LHPP: variants seen among roughly 807,000 people sequenced by gnomAD.
LHPP encodes the protein phospholysine phosphohistidine inorganic pyrophosphate phosphatase.
Under a neutral mutation model 30.3 loss-of-function variants are expected in LHPP, and 24 were observed. That is an observed-to-expected ratio of 0.79 (90% CI 0.57 to 1.11). LHPP has a LOEUF of 1.11. Among genes scored for constraint, LHPP ranks in the 50% most tolerant of loss-of-function variants. The pLI is 0.00. For synonymous variants in LHPP, 150 were observed against 157.1 expected, an observed-to-expected ratio of 0.95 and a Z score of 0.34; for missense variants, 356 against 367.2, an observed-to-expected ratio of 0.97 and a Z score of 0.25.
At chr10:124,578,222 G>C (rs1948693769) in intron 6 of LHPP, among the ~76,000 whole-genome samples, 1 of 152,202 alleles carries the variant, frequency 6.6e-6, no homozygotes, top group South Asian at 2.1e-4. Flanking sequence ...CTGCTTCCCA[G>C]GGCATTTGCA....
At chr10:124,492,151 CAG>C (rs1953552008) in intron 3 of LHPP, among the ~76,000 whole-genome samples, 1 of 152,222 alleles carries the variant, frequency 6.6e-6, no homozygotes, top group South Asian at 2.1e-4. Context: ...CTCCAGACCA[CAG>C]AGTTAGTTGT....
rs1013095451 is a variant in LHPP, at chr10:124,517,440, C to T, written c.716+169C>T. 4 of 440,840 alleles carry T rather than the reference C, an allele frequency of 9.1e-6. No individual in the cohort carries two copies. Among genetic ancestry groups the T allele is most frequent in the Non-Finnish European group, 1.6e-5 (4 of 249,690 alleles). 27.3% of individuals were successfully genotyped at this position (440,840 alleles called of 1,614,324 possible). A position where few individuals can be genotyped will look rare whatever the true frequency, so the allele number is the denominator to read the frequency against. ...ACCTCTAAGAACAGGGCTGAGTGGT[C>T]TTTTATAGCAGACAGTGATAAAGTA... On this transcript the variant is annotated intron_variant, in intron 6 of 6. Coordinates refer to ENST00000368842, the MANE Select transcript of LHPP (RefSeq NM_022126.4). The surrounding 1 kb of genome is among the most constrained non-coding windows in gnomAD (Gnocchi z 4.1).
chr10:124,546,905 C>T (rs1955362215), intron 6 of LHPP, among the ~76,000 whole-genome samples: 1 of 152,138 alleles, frequency 6.6e-6, no homozygotes, highest in Non-Finnish European at 1.5e-5. Flanking sequence ...CAGGGAATAT[C>T]ACATCACACA....
chr10:124,566,787 G>T (rs1015573369), intron 6 of LHPP, among the ~76,000 whole-genome samples: 1 of 152,136 alleles, frequency 6.6e-6, no homozygotes, highest in Admixed American at 6.5e-5. Context: ...TGAGGGGGCA[G>T]CCAGGGCTGG....
intron 1 of LHPP, among the ~76,000 whole-genome samples, chr10:124,469,260 G>T (rs1051690683): frequency 3.3e-5 from 5 of 152,104 alleles, no homozygotes; most frequent in Non-Finnish European, 7.3e-5. Flanking sequence ...CGGCACCATG[G>T]GCTCCCTGGC....
intron 6 of LHPP, among the ~76,000 whole-genome samples, chr10:124,608,095 C>T (rs1182407287): frequency 2.0e-5 from 3 of 152,148 alleles, no homozygotes; most frequent in Non-Finnish European, 4.4e-5. Context: ...TTCCCGCAGG[C>T]ACCCTCCCTA....
At position 124,473,058 on chromosome 10, in the gene LHPP, C is replaced by T. The variant is rs138178766; in HGVS notation, c.125+11071C>T. ...AGTTTCTGATCTCAGCCTTGGTGGG[C>T]GGGGGTCACCCTGTGAAAATCAAGG... On this transcript the variant is annotated intron_variant, in intron 1 of 6. Transcript: ENST00000368842. 3.7e-3 allele frequency among the ~76,000 whole-genome samples: 560 copies of T among 151,964 alleles called. 3 individuals carry two copies. Among genetic ancestry groups the T allele is most frequent in the African/African-American group, 0.013 (534 of 41,288 alleles).
intron 6 of LHPP, among the ~76,000 whole-genome samples, chr10:124,578,144 C>T (rs1428765991): frequency 1.3e-5 from 2 of 152,164 alleles, no homozygotes; most frequent in African/African-American, 4.8e-5. Context: ...CACTGCCTTC[C>T]TAGGCCCCAC....
chr10:124,497,016 G>T lies in LHPP; in HGVS notation c.523G>T (p.Ala175Ser). The change falls in exon 4 of 7, where the codon GCG becomes TCG. Residue 175 changes from alanine (A) to serine (S), a missense_variant. Transcript: ENST00000368842. ...GCTGGACGTTGGTCCCTACATGAAG[G>T]CGCTTGAGGTACCAGCCCTGGTTCT... ...LMLDVGPYMK[A>S]LEYACGIKAE... The T allele has an allele frequency of 6.2e-7, 1 of 1,613,948 alleles. No homozygotes were observed. The highest frequency in any genetic ancestry group is 1.1e-5 in the South Asian group (1 of 91,070).
intron 5 of LHPP, 177 bp downstream of exon 5, chr10:124,498,305 A>T: frequency 6.3e-7 from 1 of 1,579,140 alleles, no homozygotes. Context: ...AACGAAATCC[A>T]CTGAATAGTT....
At chr10:124,524,698 GA>G (rs1954690111) in intron 6 of LHPP, among the ~76,000 whole-genome samples, 2 of 152,086 alleles carry the variant, frequency 1.3e-5, no homozygotes, top group Non-Finnish European at 2.9e-5. Flanking sequence ...CAGGTGTGGT[GA>G]CACCCACCTG....
At chr10:124,501,601 T>G (rs1190767849) in intron 5 of LHPP, among the ~76,000 whole-genome samples, 1 of 116,412 alleles carries the variant, frequency 8.6e-6, no homozygotes, top group African/African-American at 3.3e-5. Flanking sequence ...GACTCTGTCT[T>G]AAAAAAAAAA....
rs548209956 is a variant in LHPP, at chr10:124,539,288, G to A, written c.716+22017G>A. ...GAGCCACTCGAGCACCCAAGGCCAC[G>A]TCCTGCTCAGGGCACTTCGGGCCTC... On this transcript the variant is annotated intron_variant, in intron 6 of 6. Transcript: ENST00000368842. Among the ~76,000 whole-genome samples, 6 of 152,338 alleles carry A rather than the reference G, an allele frequency of 3.9e-5. No homozygotes were observed. The East Asian group carries it at 7.7e-4, about 20-fold the overall frequency.
chr10:124,569,575 C>T (rs1948551347), intron 6 of LHPP, among the ~76,000 whole-genome samples: 1 of 152,202 alleles, frequency 6.6e-6, no homozygotes, highest in Non-Finnish European at 1.5e-5. Context: ...ACCCTTTGTC[C>T]CATGCAGCTC....
Position 124,517,157 on chromosome 10 carries a change from A to G in LHPP, c.625-23A>G, listed in dbSNP as rs770760211. 58 of 1,558,688 alleles carry G rather than the reference A, an allele frequency of 3.7e-5. No individual in the cohort carries two copies. Among genetic ancestry groups the G allele is most frequent in the African/African-American group, 2.2e-4 (16 of 73,166 alleles). ...TAAAACTCTCCTGACATCACTTCTG[A>G]GCGTATTTCACTGCCGTGACAGGCC... On this transcript the variant is annotated intron_variant, in intron 5 of 6. Transcript: ENST00000368842. This position sits in a 1 kb window ranked among gnomAD's most constrained non-coding sequence, Gnocchi z 4.1.
chr10:124,505,393 A>G (rs781622811), intron 5 of LHPP, among the ~76,000 whole-genome samples: 2 of 152,170 alleles, frequency 1.3e-5, no homozygotes, highest in African/African-American at 2.4e-5. Context: ...TAATCAATAA[A>G]GTTATCACCA....
Position 124,484,198 on chromosome 10 carries a change from C to T in LHPP, c.185C>T (p.Ala62Val). The change falls in exon 2 of 7, where the codon GCA becomes GTA. Residue 62 changes from alanine to valine, a missense_variant. Ala to Val is a moderately conservative substitution (Grantham distance 64, BLOSUM62 0). Coordinates refer to ENST00000368842, the MANE Select transcript of LHPP (RefSeq NM_022126.4). Reference sequence around the variant, plus strand: ...ACCAACGAGTCGCAGAAGTCCCGGGCAGAGCTGGTGGGGCAGCTTCAGAGG... The same window carrying T: ...ACCAACGAGTCGCAGAAGTCCCGGGTAGAGCTGGTGGGGCAGCTTCAGAGG... ...FCTNESQKSR[A>V]ELVGQLQRLG... The T allele has an allele frequency of 6.2e-7, 1 of 1,614,110 alleles. No individual in the cohort carries two copies. The highest frequency in any genetic ancestry group is 8.5e-7 in the Non-Finnish European group (1 of 1,180,036).
In LHPP at chr10:124,588,370, C is replaced by G. The variant is rs890096812; in HGVS notation, c.717-24894C>G. ...GCAGTGGCACAATCTTGGCTCACTG[C>G]ATTCTCCAGTTCAAGTGATTCTCCT... On this transcript the variant is annotated intron_variant, in intron 6 of 6. Coordinates refer to ENST00000368842, the MANE Select transcript of LHPP (RefSeq NM_022126.4). Among the ~76,000 whole-genome samples the G allele has an allele frequency of 2.6e-5, 4 of 151,580 alleles. No homozygotes were observed. In the South Asian group the frequency reaches 8.3e-4, roughly 31 times the overall value.
intron 6 of LHPP, among the ~76,000 whole-genome samples, chr10:124,524,864 A>G (rs1954694531): frequency 6.6e-6 from 1 of 152,230 alleles, no homozygotes; most frequent in South Asian, 2.1e-4. Context: ...TTGTGGTAAA[A>G]TATATATAAC....
Sources: allele counts gnomAD v4.1 joint callset (sites outside exome capture counted in the v4.1 genomes callset), GRCh38; gene constraint gnomAD v4.1.1; non-coding constraint Gnocchi (gnomAD v3.1); transcripts MANE v1.5; gene names NCBI Gene and HGNC (gene_info 2026-07-23, HGNC 2026-07-21).